B4GALNT3: variants seen among roughly 807,000 people sequenced by gnomAD.
B4GALNT3 encodes the protein beta-1,4-N-acetyl-galactosaminyltransferase 3, also known as beta-1,4-N-acetylgalactosaminyltransferase 3.
B4GALNT3 carries 86 observed loss-of-function variants against 120.2 expected under a neutral mutation model. That is an observed-to-expected ratio of 0.72 (90% CI 0.60 to 0.86). The LOEUF (loss-of-function observed/expected upper bound fraction) is 0.86, where lower values mean the gene tolerates loss of function less well. Among genes scored for constraint, B4GALNT3 ranks in the 40% least tolerant of loss-of-function variants. B4GALNT3 has a pLI of 0.00. For synonymous variants in B4GALNT3, 518 were observed against 510.4 expected (o/e 1.01, Z -0.20); for missense variants, 1,167 against 1,298.9 (o/e 0.90, Z 1.56).
intron 1 of B4GALNT3, among the ~76,000 whole-genome samples, chr12:464,184 T>C (rs1216439181): frequency 6.6e-6 from 1 of 152,230 alleles, no homozygotes; most frequent in Non-Finnish European, 1.5e-5. Context: ...TTTTAATAAG[T>C]GGTACGGCTA....
At chr12:519,863 C>A (rs1431080439) in intron 1 of B4GALNT3, among the ~76,000 whole-genome samples, 2 of 152,212 alleles carry the variant, frequency 1.3e-5, no homozygotes, top group African/African-American at 4.8e-5. Context: ...CAACAGCGCT[C>A]GCCATAACCC....
intron 1 of B4GALNT3, among the ~76,000 whole-genome samples, chr12:528,942 T>C (rs1308279699): frequency 6.6e-6 from 1 of 152,220 alleles, no homozygotes. Context: ...TCATTCCAGT[T>C]TGAGTGTCTG....
intron 1 of B4GALNT3, among the ~76,000 whole-genome samples, chr12:463,221 G>C (rs1389311221): frequency 6.6e-6 from 1 of 152,244 alleles, no homozygotes; most frequent in Non-Finnish European, 1.5e-5. Context: ...GCTGGAAGAA[G>C]AGTATGGAGA....
intron 1 of B4GALNT3, among the ~76,000 whole-genome samples, chr12:511,311 TCCGC>T (rs772933299): frequency 1.7e-4 from 19 of 114,352 alleles, no homozygotes; most frequent in Admixed American, 6.0e-4. Context: ...CCTTCCACCT[TCCGC>T]CTTCTGCCTT....
rs1223004260 is a variant in B4GALNT3 at position 548,787 on chromosome 12, G to T, written c.853+490G>T. 1.3e-5 allele frequency among the ~76,000 whole-genome samples: 2 copies of T among 149,048 alleles called. No homozygotes were observed. Among genetic ancestry groups the T allele is most frequent in the Non-Finnish European group, 2.9e-5 (2 of 68,000 alleles). On this transcript the variant is annotated intron_variant, in intron 9 of 19. Transcript: ENST00000266383. This position sits in a 1 kb window ranked among gnomAD's most constrained non-coding sequence, Gnocchi z 4.9. ...TAACTGGGTGTGGTGGCGCATGCCT[G>T]TAGTCACAGCTACTGGGAAGGATCG...
In B4GALNT3 at chr12:553,469, CA is replaced by C. The variant is rs1426949476; in HGVS notation, c.1551del (p.Lys517AsnfsTer22). 3 of 1,614,020 alleles carry C rather than the reference CA, an allele frequency of 1.9e-6. No homozygotes were observed. Among genetic ancestry groups the C allele is most frequent in the Non-Finnish European group, 2.5e-6 (3 of 1,180,056 alleles). The stretch of plus-strand genomic sequence containing the variant: ...AGTGCAGCAGCCAGAGAAGAGGAAG[CA>C]AAAACCCAGCCCTGAGCCCAGCCAA... ...IPVQQPEKRK[Q>X]KPSPEPSQDS... On this transcript the variant is annotated frameshift_variant, in exon 14 of 20. Coordinates refer to ENST00000266383, the MANE Select transcript of B4GALNT3 (RefSeq NM_173593.4). LOFTEE classifies it high-confidence loss of function.
intron 1 of B4GALNT3, among the ~76,000 whole-genome samples, chr12:467,427 T>C (rs4980824): frequency 0.42 from 64,375 of 151,904 alleles, 13,655 homozygotes; most frequent in Middle Eastern, 0.5. Flanking sequence ...GGTGTGGTGG[T>C]GTGTGCCTGT....
intron 3 of B4GALNT3, among the ~76,000 whole-genome samples, chr12:537,336 G>A (rs1389547594): frequency 6.6e-6 from 1 of 152,164 alleles, no homozygotes; most frequent in East Asian, 1.9e-4. Flanking sequence ...CCAGGCTGGA[G>A]TACAGTGACA....
At chr12:500,864 G>GTTTTTTT (rs1565594758) in intron 1 of B4GALNT3, among the ~76,000 whole-genome samples, 2 of 16,754 alleles carry the variant, frequency 1.2e-4, no homozygotes, top group Admixed American at 5.4e-4. Flanking sequence ...TGGCTCCACT[G>GTTTTTTT]CTTTTTTTTT....
At chr12:526,817 G>C (rs961507426) in intron 1 of B4GALNT3, among the ~76,000 whole-genome samples, 1 of 152,226 alleles carries the variant, frequency 6.6e-6, no homozygotes, top group African/African-American at 2.4e-5. Flanking sequence ...GCTGGGTCCA[G>C]ACAGACTCCA....
chr12:556,276 T>C (rs1487907647), intron 14 of B4GALNT3, among the ~76,000 whole-genome samples: 32 of 152,240 alleles, frequency 2.1e-4, no homozygotes. Context: ...CTCTTCAGTG[T>C]GACCCCTCTT....
intron 1 of B4GALNT3, among the ~76,000 whole-genome samples, chr12:493,575 A>G (rs1306824702): frequency 7.1e-6 from 1 of 139,870 alleles, no homozygotes; most frequent in Non-Finnish European, 1.5e-5. Context: ...CCTTCTGTAC[A>G]GTGTTGAAAT....
At position 474,762 on chromosome 12, in the gene B4GALNT3, T is replaced by G. The variant is rs139401994; in HGVS notation, c.169+14217T>G. Among the ~76,000 whole-genome samples, 499 of 151,890 alleles carry G rather than the reference T, an allele frequency of 3.3e-3. 5 individuals are homozygous for G. Among genetic ancestry groups the G allele is most frequent in the African/African-American group, 0.011 (451 of 41,434 alleles). On this transcript the variant is annotated intron_variant, in intron 1 of 19. Transcript: ENST00000266383. ...ATCACTTGAGTCCAGGAGTTCAAGA[T>G]CAGCTTGGGCAACATCGTGAAACCC...
rs750235435 is a variant in B4GALNT3 at position 516,429 on chromosome 12, C to T, written c.170-18737C>T. On this transcript the variant is annotated intron_variant, in intron 1 of 19. Transcript: ENST00000266383. ...TTTAGGTAGAGGACATGCAAAGGCC[C>T]GGGGTACAGCATGCCTGGCATATTG... 3.9e-5 allele frequency among the ~76,000 whole-genome samples: 6 copies of T among 151,956 alleles called. 1 individual carries two copies. The highest frequency in any genetic ancestry group is 2.1e-4 in the South Asian group (1 of 4,820).
rs978273688 is a variant in B4GALNT3 at position 536,399 on chromosome 12, G to A, written c.351+104G>A. ...AACTTTCTACTAGGGACCTTCTACCGTACCTACTCTTTGAGAGAGCTAAAA... is the reference window on the plus strand; with the variant it reads ...AACTTTCTACTAGGGACCTTCTACCATACCTACTCTTTGAGAGAGCTAAAA... On this transcript the variant is annotated intron_variant, in intron 3 of 19. Coordinates refer to ENST00000266383, the MANE Select transcript of B4GALNT3 (RefSeq NM_173593.4). The A allele has an allele frequency of 6.6e-5, 56 of 847,690 alleles. 1 individual carries two copies. The highest frequency in any genetic ancestry group is 5.0e-4 in the African/African-American group (29 of 57,962). 52.5% of individuals were successfully genotyped at this position (847,690 alleles called of 1,614,324 possible). A position where few individuals can be genotyped will look rare whatever the true frequency, so the allele number is the denominator to read the frequency against.
intron 1 of B4GALNT3, among the ~76,000 whole-genome samples, chr12:465,514 TG>T (rs1302553084): frequency 6.6e-5 from 7 of 106,316 alleles, no homozygotes; most frequent in Middle Eastern, 4.5e-3. Context: ...AAGACATCAA[TG>T]GTTTTTTTTT....
intron 1 of B4GALNT3, among the ~76,000 whole-genome samples, chr12:519,967 G>C (rs914837555): frequency 6.6e-6 from 1 of 152,160 alleles, no homozygotes; most frequent in African/African-American, 2.4e-5. Flanking sequence ...CCTCTGTGTA[G>C]GGGAATTTCA....
At chr12:526,378 A>G (rs1009630258) in intron 1 of B4GALNT3, among the ~76,000 whole-genome samples, 2 of 152,216 alleles carry the variant, frequency 1.3e-5, no homozygotes, top group Non-Finnish European at 2.9e-5. Context: ...TTCCGTCTGC[A>G]TGCAGAAACT....
chr12:466,009 C>G (rs1216894630), intron 1 of B4GALNT3, among the ~76,000 whole-genome samples: 1 of 139,560 alleles, frequency 7.2e-6, no homozygotes, highest in Non-Finnish European at 1.5e-5. Context: ...CCTGCCACTC[C>G]CTGTCCTGGG....
Sources: gnomAD v4.1 joint callset for allele counts (sites outside exome capture counted in the v4.1 genomes callset) on GRCh38, gnomAD v4.1.1 for gene constraint, Gnocchi (gnomAD v3.1) non-coding constraint, MANE v1.5 for transcripts, NCBI Gene and HGNC (gene_info 2026-07-23, HGNC 2026-07-21) for gene names.